Variants in EPB41L1 observed in about 807,000 individuals in gnomAD.
The protein encoded by EPB41L1 is erythrocyte membrane protein band 4.1 like 1.
EPB41L1 carries 29 observed loss-of-function variants against 97.8 expected under a neutral mutation model. That is an observed-to-expected ratio of 0.30 (90% CI 0.22 to 0.40). The LOEUF (loss-of-function observed/expected upper bound fraction) is 0.40, where lower values mean the gene tolerates loss of function less well. Among genes scored for constraint, EPB41L1 ranks in the 10% least tolerant of loss-of-function variants. EPB41L1 has a pLI of 1.00. For missense variants in EPB41L1, 812 were observed against 1,162.3 expected, an observed-to-expected ratio of 0.70 and a Z score of 4.38; for synonymous variants, 383 against 459.2, an observed-to-expected ratio of 0.83 and a Z score of 2.12.
At chr20:36,155,223 A>G (rs932196274) in intron 1 of EPB41L1, 4 of 454,636 alleles carry the variant, frequency 8.8e-6, no homozygotes, top group Non-Finnish European at 1.8e-5. Context: ...TCCAGAGGCC[A>G]AGGGCTCTTT....
At chr20:36,148,942 C>T (rs1008460073) in intron 2 of EPB41L1, among the ~76,000 whole-genome samples, 2 of 151,998 alleles carry the variant, frequency 1.3e-5, no homozygotes, top group South Asian at 2.1e-4. Context: ...GGGGAGCATG[C>T]GGGGCGGAGA....
rs1169236627 is a variant in EPB41L1 at position 36,209,973 on chromosome 20, A to G, written c.2079+75A>G. The G allele has an allele frequency of 6.4e-7, 1 of 1,555,276 alleles. No individual in the cohort carries two copies. On this transcript the variant is annotated intron_variant, in intron 15 of 21. Transcript: ENST00000338074. The surrounding 1 kb of genome is among the most constrained non-coding windows in gnomAD (Gnocchi z 4.2). The stretch of plus-strand genomic sequence containing the variant: ...AGAGGGCCCTGGGCCACCCGTGAGA[A>G]GACCGAGCACCCAGCCTGCAGCCTG...
At chr20:36,156,212 G>T (rs955505873) in intron 1 of EPB41L1, among the ~76,000 whole-genome samples, 1 of 152,208 alleles carries the variant, frequency 6.6e-6, no homozygotes, top group African/African-American at 2.4e-5. Flanking sequence ...TGCCTGCCTG[G>T]CAACCCAGGC....
intron 1 of EPB41L1, among the ~76,000 whole-genome samples, chr20:36,101,534 A>G (rs2058016747): frequency 6.6e-6 from 1 of 152,072 alleles, no homozygotes; most frequent in Non-Finnish European, 1.5e-5. Context: ...TGAAACTTCT[A>G]TCCACAGAGC....
At chr20:36,108,296 T>C (rs1028745418) in intron 1 of EPB41L1, among the ~76,000 whole-genome samples, 1 of 152,114 alleles carries the variant, frequency 6.6e-6, no homozygotes, top group African/African-American at 2.4e-5. Flanking sequence ...ATTTTTTACA[T>C]TGATTACATG....
upstream of EPB41L1, among the ~76,000 whole-genome samples, chr20:36,153,661 G>A (rs1030498362): frequency 1.1e-4 from 17 of 152,266 alleles, no homozygotes; most frequent in East Asian, 3.1e-3. Flanking sequence ...CCTAGAGATA[G>A]GAACGTCCAG....
chr20:36,182,056 C>G (rs1390623750), intron 5 of EPB41L1, among the ~76,000 whole-genome samples: 1 of 152,220 alleles, frequency 6.6e-6, no homozygotes, highest in East Asian at 1.9e-4. Context: ...TTCTTTCTTT[C>G]TTTCTACCTT....
rs1283532796 is a variant in EPB41L1 at position 36,206,152 on chromosome 20, G to T, written c.1669-3336G>T. On this transcript the variant is annotated intron_variant, in intron 14 of 21. Coordinates refer to ENST00000338074, the MANE Select transcript of EPB41L1 (RefSeq NM_012156.2). The surrounding 1 kb of genome is among the most constrained non-coding windows in gnomAD (Gnocchi z 5.5). ...GATCAGGGAAAGCCCAGGAGGGGCT[G>T]CCCTGGCTTCCGGCCGCACATTGGC... 1.6e-6 allele frequency: 2 copies of T among 1,289,884 alleles called. No individual in the cohort carries two copies. The highest frequency in any genetic ancestry group is 2.1e-4 in the Middle Eastern group (1 of 4,696). 79.9% of individuals were successfully genotyped at this position (1,289,884 alleles called of 1,614,324 possible). A position where few individuals can be genotyped will look rare whatever the true frequency, so the allele number is the denominator to read the frequency against.
intron 15 of EPB41L1, among the ~76,000 whole-genome samples, chr20:36,210,298 G>A (rs2063059469): frequency 6.6e-6 from 1 of 152,080 alleles, no homozygotes; most frequent in South Asian, 2.1e-4. Context: ...TCTCTCTGGG[G>A]TCTGGGCTTC....
At chr20:36,107,276 A>T (rs2058223197) in intron 1 of EPB41L1, among the ~76,000 whole-genome samples, 1 of 144,706 alleles carries the variant, frequency 6.9e-6, no homozygotes, top group African/African-American at 2.6e-5. Context: ...GCTGGAGTGC[A>T]ATGGCATGAT....
chr20:36,102,466 T>C (rs1197116981), intron 1 of EPB41L1, among the ~76,000 whole-genome samples: 1 of 152,190 alleles, frequency 6.6e-6, no homozygotes, highest in East Asian at 1.9e-4. Context: ...CTCAGCACAT[T>C]ACTGGCTTTG....
intron 1 of EPB41L1, among the ~76,000 whole-genome samples, chr20:36,158,073 C>A (rs145795260): frequency 0.011 from 1,683 of 152,086 alleles, 30 homozygotes; most frequent in African/African-American, 0.039. Flanking sequence ...AGGAGTTATT[C>A]TTCCCGTTTT....
intron 1 of EPB41L1, among the ~76,000 whole-genome samples, chr20:36,170,827 T>C (rs2060957647): frequency 6.6e-6 from 1 of 151,800 alleles, no homozygotes; most frequent in Non-Finnish European, 1.5e-5. Context: ...GATTGAATTA[T>C]CTCAAAAATG....
At chr20:36,228,272 C>T (rs1212849233) in intron 21 of EPB41L1, among the ~76,000 whole-genome samples, 1 of 152,186 alleles carries the variant, frequency 6.6e-6, no homozygotes, top group Non-Finnish European at 1.5e-5. Flanking sequence ...GTTAAATTAA[C>T]AACAGCAACA....
At chr20:36,157,893 G>A (rs755837146) in intron 1 of EPB41L1, among the ~76,000 whole-genome samples, 2 of 152,228 alleles carry the variant, frequency 1.3e-5, no homozygotes, top group African/African-American at 4.8e-5. Flanking sequence ...GTGGATGGGT[G>A]GGGGTGGAGC....
chr20:36,182,218 G>A, intron 5 of EPB41L1, 54 bp from the exon 6 acceptor site: 1 of 1,530,642 alleles, frequency 6.5e-7, no homozygotes, highest in Non-Finnish European at 9.1e-7. Flanking sequence ...GGTGCATCTG[G>A]ACCACCCAGT....
At chr20:36,218,731 C>T (rs911374308) in intron 17 of EPB41L1, 145 bp from the exon 18 acceptor site, 9 of 756,318 alleles carry the variant, frequency 1.2e-5, no homozygotes, top group East Asian at 5.4e-5. Flanking sequence ...ATGAATGAGG[C>T]GGAACTGAAC....
intron 1 of EPB41L1, among the ~76,000 whole-genome samples, chr20:36,099,494 T>A (rs543578372): frequency 6.6e-6 from 1 of 152,312 alleles, no homozygotes; most frequent in Non-Finnish European, 1.5e-5. Context: ...GATTTTTAAT[T>A]ATAATAATAA....
chr20:36,151,946 A>C (rs911334911), upstream of EPB41L1: 1 of 151,176 alleles, frequency 6.6e-6, no homozygotes, highest in African/African-American at 2.4e-5. Context: ...CTAAAAATGC[A>C]AAAAAAAATT....
Sources: gnomAD v4.1 joint callset for allele counts (sites outside exome capture counted in the v4.1 genomes callset) on GRCh38, gnomAD v4.1.1 for gene constraint, Gnocchi (gnomAD v3.1) non-coding constraint, MANE v1.5 for transcripts, NCBI Gene and HGNC (gene_info 2026-07-23, HGNC 2026-07-21) for gene names.